MTF1: variants seen among roughly 807,000 people sequenced by gnomAD.
MTF1 encodes metal regulatory transcription factor 1.
Under a neutral mutation model 70.4 loss-of-function variants are expected in MTF1, and 22 were observed. That is an observed-to-expected ratio of 0.31 (90% confidence interval 0.22 to 0.45). MTF1 has a LOEUF of 0.45. Among genes scored for constraint, MTF1 ranks in the 20% least tolerant of loss-of-function variants. The pLI is 1.00. For missense variants in MTF1, 649 were observed against 922.0 expected (o/e 0.70, Z 3.83); for synonymous variants, 333 against 352.8 (o/e 0.94, Z 0.63).
At chr1:37,857,895 G>A (rs1641523867) in intron 1 of MTF1, among the ~76,000 whole-genome samples, 186 bp from the exon 2 acceptor site, 1 of 151,690 alleles carries the variant, frequency 6.6e-6, no homozygotes, top group African/African-American at 2.4e-5. Context: ...AAGCAATGCC[G>A]ACTGGGCGTG....
chr1:37,849,332 AG>A (rs1180368048), intron 2 of MTF1, among the ~76,000 whole-genome samples: 1 of 152,120 alleles, frequency 6.6e-6, no homozygotes, highest in African/African-American at 2.4e-5. Context: ...AGGCTGAGAC[AG>A]GAGAATCTCT....
At chr1:37,857,172 C>G in intron 2 of MTF1, 79 bp downstream of exon 2, 3 of 1,437,928 alleles carry the variant, frequency 2.1e-6, no homozygotes, top group Non-Finnish European at 2.9e-6. Flanking sequence ...CCTTTACTCC[C>G]CAGCTAAAAT....
chr1:37,856,881 G>C (rs1641505308), intron 2 of MTF1, among the ~76,000 whole-genome samples: 1 of 152,158 alleles, frequency 6.6e-6, no homozygotes, highest in African/African-American at 2.4e-5. Flanking sequence ...AACACAACCA[G>C]GAGATAAGCC....
intron 2 of MTF1, among the ~76,000 whole-genome samples, chr1:37,848,087 C>T (rs752535592): frequency 6.6e-6 from 1 of 152,162 alleles, no homozygotes; most frequent in Admixed American, 6.5e-5. Context: ...AACCTAATCA[C>T]AATTTATATG....
At chr1:37,817,678 C>T (rs149961515) in intron 9 of MTF1, among the ~76,000 whole-genome samples, 196 bp from the exon 10 acceptor site, 35 of 152,324 alleles carry the variant, frequency 2.3e-4, no homozygotes, top group African/African-American at 6.0e-4. Flanking sequence ...GTGCTGACAA[C>T]GTAGTTAGCT....
intron 2 of MTF1, among the ~76,000 whole-genome samples, chr1:37,849,150 G>A (rs1023845759): frequency 1.3e-5 from 2 of 152,196 alleles, no homozygotes; most frequent in African/African-American, 4.8e-5. Context: ...TGTAGGCCAG[G>A]CGCAGCAGCT....
Position 37,840,361 on chromosome 1 carries a change from G to T in MTF1, c.409-203C>A. 1 of 603,026 alleles carries T rather than the reference G, an allele frequency of 1.7e-6. No homozygotes were observed. Among genetic ancestry groups the T allele is most frequent in the South Asian group, 1.9e-5 (1 of 53,718 alleles). The allele number at this position is 603,026 out of a possible 1,614,324, so 37.4% of individuals were successfully genotyped here. On this transcript the variant is annotated intron_variant, in intron 2 of 10. Coordinates refer to ENST00000373036, the MANE Select transcript of MTF1 (RefSeq NM_005955.3). This position sits in a 1 kb window ranked among gnomAD's most constrained non-coding sequence, Gnocchi z 4.5. ...CCTGGACAACACATAATGATTTATG[G>T]GGAAGAAATAAGTCTATATGTAGAT...
rs761628609 is a variant in MTF1 at position 37,822,352 on chromosome 1, C to T, written c.1536G>A (p.Val512=). The change falls in exon 9 of 11, where the codon GTG becomes GTA. Residue 512 remains valine, a synonymous_variant. Coordinates refer to ENST00000373036, the MANE Select transcript of MTF1 (RefSeq NM_005955.3). ...VAGASASAAA[V]ASAVAAPAPP... ...GGGCTGGTGCTGCCACAGCTGATGC[C>T]ACTGCCGCTGCTGATGCAGAAGCCC... 15 of 1,612,718 alleles carry T rather than the reference C, an allele frequency of 9.3e-6. No individual in the cohort carries two copies. The highest frequency in any genetic ancestry group is 1.1e-5 in the South Asian group (1 of 91,016).
chr1:37,814,772 T>G lies in MTF1; in HGVS notation c.*364A>C. On this transcript the variant is annotated 3_prime_UTR_variant, in exon 11 of 11. Transcript: ENST00000373036. ...CCTGCCCGATCCACAAAGACCCCAG[T>G]GCAAGCGATGGGCAGCATCAGATTG... is the stretch of plus-strand genomic sequence containing the variant. 1 of 221,872 alleles carries G rather than the reference T, an allele frequency of 4.5e-6. No homozygotes were observed. 13.7% of individuals were successfully genotyped at this position (221,872 alleles called of 1,614,324 possible).
At chr1:37,837,209 C>T (rs778001868) in intron 4 of MTF1, among the ~76,000 whole-genome samples, 11 of 152,014 alleles carry the variant, frequency 7.2e-5, no homozygotes, top group Non-Finnish European at 1.3e-4. Context: ...CACACGCATG[C>T]GCCACCACTC....
intron 2 of MTF1, among the ~76,000 whole-genome samples, chr1:37,844,296 CCTT>C (rs778411543): frequency 2.6e-5 from 4 of 152,304 alleles, no homozygotes; most frequent in Non-Finnish European, 4.4e-5. Context: ...TTCGTTCTCT[CCTT>C]CTTCTCCACT....
chr1:37,835,060 A>T lies in MTF1; in HGVS notation c.990+19T>A. On this transcript the variant is annotated intron_variant, in intron 6 of 10. Transcript: ENST00000373036. Reference sequence around the variant, plus strand: ...GAAGTTCTATGGTACCCAGATCAAGAGACAAAAACACTACACACCTCTGAT... The same window carrying T: ...GAAGTTCTATGGTACCCAGATCAAGTGACAAAAACACTACACACCTCTGAT... 1 of 1,611,880 alleles carries T rather than the reference A, an allele frequency of 6.2e-7. No homozygotes were observed. Among genetic ancestry groups the T allele is most frequent in the Non-Finnish European group, 8.5e-7 (1 of 1,178,518 alleles).
chr1:37,840,117 G>A lies in MTF1; in HGVS notation c.450C>T (p.Thr150=), dbSNP rs201103450. 8 of 1,614,232 alleles carry A rather than the reference G, an allele frequency of 5.0e-6. No individual in the cohort carries two copies. The East Asian group carries it at 1.6e-4, about 31-fold the overall frequency. ...TTCGCAGGTTGCCTGCTGTGCTGTAGGTGCGGGGACAGCCCTCAAAGGTAC... is the reference window on the plus strand; with the variant it reads ...TTCGCAGGTTGCCTGCTGTGCTGTAAGTGCGGGGACAGCCCTCAAAGGTAC... ...YQCTFEGCPR[T]YSTAGNLRTH... is the part of the protein sequence containing the mutation. The change falls in exon 3 of 11, where the codon ACC becomes ACT. Residue 150 remains threonine, a synonymous_variant. Coordinates refer to ENST00000373036, the MANE Select transcript of MTF1 (RefSeq NM_005955.3). This position sits in a 1 kb window ranked among gnomAD's most constrained non-coding sequence, Gnocchi z 4.5.
chr1:37,823,633 A>G, intron 8 of MTF1, 77 bp downstream of exon 8: 1 of 1,116,774 alleles, frequency 9.0e-7, no homozygotes, highest in Non-Finnish European at 1.4e-6. Context: ...TACGCTAACT[A>G]GAATGATTCA....
In MTF1 at chr1:37,835,790, T is replaced by A. The variant is rs761540745; in HGVS notation, c.780-46A>T. 7 of 1,468,660 alleles carry A rather than the reference T, an allele frequency of 4.8e-6. No individual in the cohort carries two copies. The East Asian group carries it at 1.6e-4, about 33-fold the overall frequency. 91.0% of individuals were successfully genotyped at this position (1,468,660 alleles called of 1,614,324 possible). On this transcript the variant is annotated intron_variant, in intron 4 of 10. Transcript: ENST00000373036. The stretch of plus-strand genomic sequence containing the variant: ...GAAACAGGAGTCATTAGCTAATAGA[T>A]CTTTATCCTGAACGTCTTTTTTTTT...
chr1:37,843,019 C>CTTTTTG (rs962656297), intron 2 of MTF1, among the ~76,000 whole-genome samples: 1 of 152,044 alleles, frequency 6.6e-6, no homozygotes, highest in Non-Finnish European at 1.5e-5. Context: ...TTGATAAAGT[C>CTTTTTG]TTTTTGTTTT....
chr1:37,830,334 T>C (rs1045296846), intron 7 of MTF1, among the ~76,000 whole-genome samples: 1 of 152,226 alleles, frequency 6.6e-6, no homozygotes, highest in African/African-American at 2.4e-5. Flanking sequence ...TCCAATCTGC[T>C]GTTAAGCCCC....
chr1:37,825,034 C>G (rs536121891), intron 7 of MTF1, among the ~76,000 whole-genome samples: 7 of 152,256 alleles, frequency 4.6e-5, no homozygotes, highest in African/African-American at 1.7e-4. Flanking sequence ...TCCAATCCAC[C>G]TCTACCCCTA....
chr1:37,825,096 G>T (rs1640982450), intron 7 of MTF1, among the ~76,000 whole-genome samples: 1 of 152,112 alleles, frequency 6.6e-6, no homozygotes, highest in Admixed American at 6.6e-5. Flanking sequence ...GTCCAGAGAG[G>T]GAAAAGAAAT....
Sources: allele counts gnomAD v4.1 joint callset (sites outside exome capture counted in the v4.1 genomes callset), GRCh38; gene constraint gnomAD v4.1.1; non-coding constraint Gnocchi (gnomAD v3.1); transcripts MANE v1.5; gene names NCBI Gene and HGNC (gene_info 2026-07-23, HGNC 2026-07-21).